The following FRMD4B variants were observed in gnomAD, a reference collection of about 807,000 sequenced individuals.
FRMD4B encodes the protein FERM domain-containing protein 4B.
In FRMD4B, 74 loss-of-function variants were observed where a neutral mutation model predicts 141.5. The ratio of observed to expected loss-of-function variants is 0.52; its 90% CI spans 0.43 to 0.63. The LOEUF is 0.63. Ranked by LOEUF, FRMD4B falls within the 30% of genes least tolerant of loss-of-function variation. The pLI, the probability that FRMD4B is intolerant of heterozygous loss-of-function variation, is 0.00. For missense variants in FRMD4B, 1,366 were observed against 1,253.4 expected (o/e 1.09, Z -1.36); for synonymous variants, 506 against 467.9 (o/e 1.08, Z -1.05).
At chr3:69,524,858 C>T (rs62252567) in intron 1 of FRMD4B, among the ~76,000 whole-genome samples, 34,791 of 152,088 alleles carry the variant, frequency 0.23, 4,156 homozygotes, top group African/African-American at 0.27. Context: ...CATGCCCAGA[C>T]AAAACTAAAA....
At chr3:69,506,731 G>A (rs1055177103) in intron 1 of FRMD4B, among the ~76,000 whole-genome samples, 4 of 151,850 alleles carry the variant, frequency 2.6e-5, no homozygotes, top group Non-Finnish European at 5.9e-5. Context: ...GTGGGTAGAG[G>A]TGGGGTCTCA....
intron 2 of FRMD4B, among the ~76,000 whole-genome samples, chr3:69,424,110 T>C (rs1389297663): frequency 1.3e-5 from 2 of 152,218 alleles, no homozygotes; most frequent in East Asian, 1.9e-4. Flanking sequence ...ATATATTAAA[T>C]AATGTGTCTT....
At chr3:69,534,552 G>A (rs1701055762) in intron 1 of FRMD4B, among the ~76,000 whole-genome samples, 1 of 152,200 alleles carries the variant, frequency 6.6e-6, no homozygotes. Context: ...ACCCTATGGG[G>A]TGAATGCATT....
Position 69,536,572 on chromosome 3 carries a change from G to A in FRMD4B, c.-129+5634C>T, listed in dbSNP as rs187162973. On this transcript the variant is annotated intron_variant, in intron 1 of 5. Transcript: ENST00000459638. ...GGGGGATGGTGAGAGGGCAGGAGGC[G>A]GCATGCCACCGGGAAGCTGCTGCAG... is the stretch of plus-strand genomic sequence containing the variant. The A allele has an allele frequency of 1.7e-4, 122 of 721,510 alleles. 1 individual carries two copies. The highest frequency in any genetic ancestry group is 1.5e-3 in the African/African-American group (87 of 57,110). The allele number at this position is 721,510 out of a possible 1,614,324, so 44.7% of individuals were successfully genotyped here. A position where few individuals can be genotyped will look rare whatever the true frequency, so the allele number is the denominator to read the frequency against.
In FRMD4B at chr3:69,170,653, A is replaced by G. The variant is rs1321742041; in HGVS notation, c.*1208T>C. 6.6e-6 allele frequency: 1 copy of G among 152,200 alleles called. No homozygotes were observed. Among genetic ancestry groups the G allele is most frequent in the Admixed American group, 6.5e-5 (1 of 15,272 alleles). 9.4% of individuals were successfully genotyped at this position (152,200 alleles called of 1,614,324 possible). A position where few individuals can be genotyped will look rare whatever the true frequency, so the allele number is the denominator to read the frequency against. ...TGAAGCAAAGATGACAAAAAAGATC[A>G]ATCTGGAATATGGAAATCATTTGCT... On this transcript the variant is annotated 3_prime_UTR_variant, in exon 23 of 23. Coordinates refer to ENST00000398540, the MANE Select transcript of FRMD4B (RefSeq NM_015123.3).
chr3:69,189,291 C>G (rs2092810180), intron 18 of FRMD4B, among the ~76,000 whole-genome samples: 1 of 143,232 alleles, frequency 7.0e-6, no homozygotes, highest in African/African-American at 2.6e-5. Flanking sequence ...CAGGCCATTA[C>G]AATCGATACA....
intron 1 of FRMD4B, among the ~76,000 whole-genome samples, chr3:69,355,508 G>A (rs1288101752): frequency 1.3e-5 from 2 of 152,130 alleles, no homozygotes; most frequent in Non-Finnish European, 2.9e-5. Context: ...GAACTAGTGG[G>A]ACATTTCTGA....
At chr3:69,323,873 T>C (rs1702097893) in intron 1 of FRMD4B, among the ~76,000 whole-genome samples, 1 of 151,832 alleles carries the variant, frequency 6.6e-6, no homozygotes, top group Non-Finnish European at 1.5e-5. Flanking sequence ...GTATTTCCTA[T>C]CTCATACATC....
chr3:69,418,403 T>C (rs1189873632), intron 2 of FRMD4B, among the ~76,000 whole-genome samples: 1 of 152,158 alleles, frequency 6.6e-6, no homozygotes, highest in Non-Finnish European at 1.5e-5. Flanking sequence ...CCCTTGAGTG[T>C]AGCCAGGGCT....
intron 2 of FRMD4B, among the ~76,000 whole-genome samples, chr3:69,397,634 A>T (rs1704494112): frequency 6.6e-6 from 1 of 152,236 alleles, no homozygotes; most frequent in South Asian, 2.1e-4. Flanking sequence ...TATAATATTG[A>T]TCCCATTTAT....
Position 69,386,032 on chromosome 3 carries a change from C to G in FRMD4B, c.-43G>C, listed in dbSNP as rs1187418425. 6.8e-7 allele frequency: 1 copy of G among 1,480,014 alleles called. No individual in the cohort carries two copies. The highest frequency in any genetic ancestry group is 9.1e-7 in the Non-Finnish European group (1 of 1,103,734). 91.7% of individuals were successfully genotyped at this position (1,480,014 alleles called of 1,614,324 possible). The stretch of plus-strand genomic sequence containing the variant: ...GAACCCGGGCGTCCCGGCTCTCGTA[C>G]GTGCAGCCCCGACCCCAGCGGCCTG... On this transcript the variant is annotated 5_prime_UTR_variant, in exon 1 of 23. Coordinates refer to ENST00000398540, the MANE Select transcript of FRMD4B (RefSeq NM_015123.3).
chr3:69,185,268 T>G (rs1304176075), intron 19 of FRMD4B, among the ~76,000 whole-genome samples: 1 of 135,880 alleles, frequency 7.4e-6, no homozygotes, highest in African/African-American at 2.8e-5. Context: ...ACCACTGCAC[T>G]CCAGCCTGGG....
chr3:69,241,625 G>A (rs141288702), intron 7 of FRMD4B, among the ~76,000 whole-genome samples: 1 of 152,296 alleles, frequency 6.6e-6, no homozygotes, highest in African/African-American at 2.4e-5. Context: ...GTTGGGTGCA[G>A]TCGCTCACAC....
intron 3 of FRMD4B, among the ~76,000 whole-genome samples, chr3:69,305,022 C>T (rs1406579988): frequency 1.3e-5 from 2 of 152,122 alleles, no homozygotes; most frequent in Non-Finnish European, 2.9e-5. Context: ...GACTCTGTGC[C>T]AACCAAGCTG....
chr3:69,375,907 C>T (rs1575774991), intron 1 of FRMD4B, among the ~76,000 whole-genome samples: 1 of 152,188 alleles, frequency 6.6e-6, no homozygotes, highest in East Asian at 1.9e-4. Flanking sequence ...CACAAAGAGA[C>T]AAGTACAAAA....
At position 69,349,995 on chromosome 3, in the gene FRMD4B, G is replaced by C. The variant is rs577212808; in HGVS notation, c.162+35833C>G. On this transcript the variant is annotated intron_variant, in intron 1 of 22. Transcript: ENST00000398540. ...AAATGGGGTCTAATTAAACTAAAGAGCTTCTGCACAGCAAAAAAACTATCA... is the reference window on the plus strand; with the variant it reads ...AAATGGGGTCTAATTAAACTAAAGACCTTCTGCACAGCAAAAAAACTATCA... Among the ~76,000 whole-genome samples, 24 of 152,226 alleles carry C rather than the reference G, an allele frequency of 1.6e-4. 1 individual carries two copies. In the East Asian group the frequency reaches 1.7e-3, roughly 11 times the overall value.
At chr3:69,244,044 C>A (rs554674595) in intron 7 of FRMD4B, among the ~76,000 whole-genome samples, 22 of 151,838 alleles carry the variant, frequency 1.4e-4, no homozygotes, top group African/African-American at 4.6e-4. Flanking sequence ...GATTCCATCT[C>A]AAAAAATAAT....
At chr3:69,338,201 G>A (rs58297649) in intron 1 of FRMD4B, among the ~76,000 whole-genome samples, 10,489 of 152,022 alleles carry the variant, frequency 0.069, 1,073 homozygotes, top group African/African-American at 0.22. Context: ...GCAAACTATC[G>A]CAAGGACAAA....
intron 2 of FRMD4B, among the ~76,000 whole-genome samples, chr3:69,313,156 C>A (rs1701659630): frequency 6.6e-6 from 1 of 152,164 alleles, no homozygotes; most frequent in Non-Finnish European, 1.5e-5. Flanking sequence ...GAAGTAAAGT[C>A]AATTTCCCAG....
Sources: gnomAD v4.1 joint callset for allele counts (sites outside exome capture counted in the v4.1 genomes callset) on GRCh38, gnomAD v4.1.1 for gene constraint, MANE v1.5 for transcripts, NCBI Gene and HGNC (gene_info 2026-07-23, HGNC 2026-07-21) for gene names.